Variants in KCNH5 observed in about 807,000 individuals in gnomAD.
The protein encoded by KCNH5 is voltage-gated delayed rectifier potassium channel KCNH5.
A neutral mutation model predicts 96.1 loss-of-function variants in KCNH5; 46 were observed. That is an observed-to-expected ratio of 0.48 (90% CI 0.38 to 0.61). The LOEUF (loss-of-function observed/expected upper bound fraction) is 0.61. KCNH5 is among the 20% of genes least tolerant of loss of function. The pLI is 0.00. For missense variants in KCNH5, 907 were observed against 1,225.8 expected (o/e 0.74, Z 3.88); for synonymous variants, 439 against 449.8 (o/e 0.98, Z 0.30).
chr14:63,029,059 G>A (rs903098076), intron 1 of KCNH5, among the ~76,000 whole-genome samples: 2 of 152,050 alleles, frequency 1.3e-5, no homozygotes, highest in African/African-American at 4.8e-5. Context: ...ACCTTACCTC[G>A]AGGCCTTAAT....
chr14:62,736,019 CCTG>C, intron 10 of KCNH5, among the ~76,000 whole-genome samples: 2 of 152,224 alleles, frequency 1.3e-5, no homozygotes, highest in East Asian at 3.9e-4. Context: ...AGACTATGGC[CCTG>C]CTGAAGTCTT....
intron 1 of KCNH5, among the ~76,000 whole-genome samples, chr14:63,041,698 G>T (rs11158469): frequency 0.25 from 37,441 of 151,832 alleles, 5,325 homozygotes; most frequent in East Asian, 0.45. Flanking sequence ...GGCTATAAAG[G>T]GTGTGTGTAT....
intron 10 of KCNH5, among the ~76,000 whole-genome samples, chr14:62,748,763 C>T (rs1190664675): frequency 6.6e-6 from 1 of 152,092 alleles, no homozygotes; most frequent in Non-Finnish European, 1.5e-5. Flanking sequence ...CAAAAAAAAT[C>T]TTCCAATATC....
At chr14:62,984,480 T>C (rs1173125406) in intron 5 of KCNH5, among the ~76,000 whole-genome samples, 3 of 152,206 alleles carry the variant, frequency 2.0e-5, no homozygotes, top group Non-Finnish European at 4.4e-5. Context: ...TCAAATTCCA[T>C]AGCTAAACCA....
intron 9 of KCNH5, among the ~76,000 whole-genome samples, chr14:62,799,221 G>C (rs531652244): frequency 6.6e-6 from 1 of 152,114 alleles, no homozygotes; most frequent in East Asian, 1.9e-4. Context: ...TAGATAAAAC[G>C]CATGAATGAT....
chr14:62,876,699 CA>C (rs1470828925), intron 7 of KCNH5, among the ~76,000 whole-genome samples: 8 of 152,126 alleles, frequency 5.3e-5, no homozygotes, highest in African/African-American at 1.9e-4. Flanking sequence ...CGACCTTTAT[CA>C]AGACAACAGG....
intron 7 of KCNH5, among the ~76,000 whole-genome samples, chr14:62,895,886 C>T (rs780370379): frequency 4.6e-5 from 7 of 152,124 alleles, no homozygotes; most frequent in Non-Finnish European, 7.4e-5. Flanking sequence ...TTGAACTCTG[C>T]CTTCTATGAA....
At chr14:62,890,124 A>C (rs1482651228) in intron 7 of KCNH5, among the ~76,000 whole-genome samples, 1 of 152,180 alleles carries the variant, frequency 6.6e-6, no homozygotes, top group Non-Finnish European at 1.5e-5. Context: ...AAACTATAAA[A>C]ACCCTGGAAG....
intron 9 of KCNH5, among the ~76,000 whole-genome samples, chr14:62,792,432 G>T (rs1199628485): frequency 2.0e-5 from 3 of 151,454 alleles, no homozygotes; most frequent in Non-Finnish European, 3.0e-5. Flanking sequence ...TAGAAGAAAT[G>T]ATAATAAACA....
In KCNH5 at chr14:63,006,484, A is replaced by G. The variant is rs1169440765; in HGVS notation, c.198-12T>C. On this transcript the variant is annotated splice_polypyrimidine_tract_variant and intron_variant, in intron 2 of 10. Coordinates refer to ENST00000322893, the MANE Select transcript of KCNH5 (RefSeq NM_139318.5). The stretch of plus-strand genomic sequence containing the variant: ...CCCCATACATAAAACTGGGGGGGAA[A>G]AAAAACAAACAATCGATTTCACTTT... 2.0e-6 allele frequency: 3 copies of G among 1,482,454 alleles called. No individual in the cohort carries two copies. Among genetic ancestry groups the G allele is most frequent in the East Asian group, 2.3e-5 (1 of 44,134 alleles). 91.8% of individuals were successfully genotyped at this position (1,482,454 alleles called of 1,614,324 possible). A position where few individuals can be genotyped will look rare whatever the true frequency, so the allele number is the denominator to read the frequency against.
intron 1 of KCNH5, among the ~76,000 whole-genome samples, chr14:63,044,182 T>A (rs567719546): frequency 5.9e-5 from 9 of 152,288 alleles, no homozygotes; most frequent in African/African-American, 2.2e-4. Flanking sequence ...ATTCAACATA[T>A]CTTACTTATG....
At chr14:62,841,225 G>A (rs1405033149) in intron 8 of KCNH5, among the ~76,000 whole-genome samples, 1 of 152,012 alleles carries the variant, frequency 6.6e-6, no homozygotes, top group African/African-American at 2.4e-5. Flanking sequence ...CAAAGAAATT[G>A]AAACACTGTT....
intron 4 of KCNH5, among the ~76,000 whole-genome samples, chr14:63,000,966 T>A (rs1372216298): frequency 6.6e-6 from 1 of 152,098 alleles, no homozygotes; most frequent in East Asian, 1.9e-4. Context: ...TCCCAGCTAC[T>A]CAGGAGGCTG....
Position 62,699,528 on chromosome 14 carries a change from A to G in KCNH5, c.*7980T>C, listed in dbSNP as rs755462663. The stretch of plus-strand genomic sequence containing the variant: ...TATCCACATTTAAATAAAGTGTGAA[A>G]AAAAGCAAAGTTAGTCCTCCCTGAT... On this transcript the variant is annotated 3_prime_UTR_variant, in exon 11 of 11. Transcript: ENST00000322893. 8.5e-5 allele frequency: 13 copies of G among 152,228 alleles called. No homozygotes were observed. The highest frequency in any genetic ancestry group is 4.6e-4 in the Admixed American group (7 of 15,282). The allele number at this position is 152,228 out of a possible 1,614,324, so 9.4% of individuals were successfully genotyped here. A position where few individuals can be genotyped will look rare whatever the true frequency, so the allele number is the denominator to read the frequency against.
chr14:62,797,098 C>A (rs1313265557), intron 9 of KCNH5, among the ~76,000 whole-genome samples: 4 of 151,976 alleles, frequency 2.6e-5, no homozygotes, highest in African/African-American at 9.7e-5. Context: ...TTTAAGAACA[C>A]TGACTGTGGT....
chr14:62,848,225 G>GT, intron 8 of KCNH5, among the ~76,000 whole-genome samples: 1 of 152,138 alleles, frequency 6.6e-6, no homozygotes, highest in Non-Finnish European at 1.5e-5. Context: ...TTCATTTAAT[G>GT]TGGACTTCAA....
intron 8 of KCNH5, among the ~76,000 whole-genome samples, chr14:62,831,204 T>C (rs1324466463): frequency 6.6e-6 from 1 of 152,202 alleles, no homozygotes; most frequent in Non-Finnish European, 1.5e-5. Flanking sequence ...TTGTGTAATT[T>C]CCTCATGACT....
At chr14:62,818,675 T>C (rs1887050051) in intron 8 of KCNH5, among the ~76,000 whole-genome samples, 1 of 152,168 alleles carries the variant, frequency 6.6e-6, no homozygotes, top group Admixed American at 6.5e-5. Flanking sequence ...GTATATACAC[T>C]AAAGAAGTGT....
chr14:62,799,125 G>T (rs1163641789), intron 9 of KCNH5, among the ~76,000 whole-genome samples: 2 of 152,062 alleles, frequency 1.3e-5, no homozygotes, highest in African/African-American at 2.4e-5. Context: ...TGACAACTAA[G>T]ACATAACAAT....
Sources: allele counts gnomAD v4.1 joint callset (sites outside exome capture counted in the v4.1 genomes callset), GRCh38; gene constraint gnomAD v4.1.1; transcripts MANE v1.5; gene names NCBI Gene and HGNC (gene_info 2026-07-23, HGNC 2026-07-21).